Variants in AKAP9 observed in about 807,000 individuals in gnomAD.
AKAP9 encodes A-kinase anchoring protein 9.
A neutral mutation model predicts 488.5 loss-of-function variants in AKAP9; 311 were observed. The observed-to-expected ratio is 0.64, with a 90% CI of 0.58 to 0.70. The LOEUF (loss-of-function observed/expected upper bound fraction) is 0.70. Ranked by LOEUF, AKAP9 falls within the 30% of genes least tolerant of loss-of-function variation. The pLI, the probability that AKAP9 is intolerant of heterozygous loss-of-function variation, is 0.00. For synonymous variants in AKAP9, 1,462 were observed against 1,483.5 expected (o/e 0.99, Z 0.33); for missense variants, 4,215 against 4,374.5 (o/e 0.96, Z 1.03).
chr7:92,016,116 T>C lies in AKAP9; in HGVS notation c.3613-13T>C. On this transcript the variant is annotated splice_polypyrimidine_tract_variant and intron_variant, in intron 10 of 49. Transcript: ENST00000356239. ...TTTAAATTCCTTAAAATACACAATT[T>C]TGTTGTTAACAGACTTTATGCAGTG... The C allele has an allele frequency of 6.3e-7, 1 of 1,592,740 alleles. No homozygotes were observed. Among genetic ancestry groups the C allele is most frequent in the South Asian group, 1.1e-5 (1 of 90,228 alleles).
intron 1 of AKAP9, among the ~76,000 whole-genome samples, chr7:91,960,896 A>G (rs1334672541): frequency 1.3e-5 from 2 of 152,218 alleles, no homozygotes; most frequent in Non-Finnish European, 2.9e-5. Context: ...AATCAGGACA[A>G]GGGAGGTTCC....
intron 1 of AKAP9, among the ~76,000 whole-genome samples, chr7:91,951,526 T>C (rs1792249802): frequency 1.3e-5 from 2 of 152,172 alleles, no homozygotes; most frequent in African/African-American, 4.8e-5. Context: ...GGTTTTGCCA[T>C]GTTGCCCAGG....
chr7:92,070,538 G>A (rs1431212878), intron 27 of AKAP9, among the ~76,000 whole-genome samples: 5 of 151,926 alleles, frequency 3.3e-5, no homozygotes, highest in African/African-American at 7.3e-5. Flanking sequence ...GAGTTCAAGC[G>A]ATTCTTCTGC....
At chr7:91,949,662 A>G (rs1013315265) in intron 1 of AKAP9, among the ~76,000 whole-genome samples, 2 of 152,198 alleles carry the variant, frequency 1.3e-5, no homozygotes, top group Non-Finnish European at 2.9e-5. Context: ...GTGCCCTTCT[A>G]GGTACATTGC....
At chr7:92,103,109 G>A (rs1418955482) in intron 46 of AKAP9, among the ~76,000 whole-genome samples, 1 of 152,082 alleles carries the variant, frequency 6.6e-6, no homozygotes, top group Non-Finnish European at 1.5e-5. Context: ...AAACAATCTG[G>A]GCCAGGCGTG....
rs1584335016 is a variant in AKAP9, at chr7:92,052,934, A to G, written c.5577A>G (p.Glu1859=). Reference sequence around the variant, plus strand: ...AAGCAGCAGTTGAAAAACTCCTAGAAGCCATAAGTGAAACTAGCAGTCAGG... The same window carrying G: ...AAGCAGCAGTTGAAAAACTCCTAGAGGCCATAAGTGAAACTAGCAGTCAGG... ...RLQAAVEKLL[E]AISETSSQLE... Residue 1859 remains glutamate, a synonymous_variant, in exon 22 of 50, where the codon GAA becomes GAG. Transcript: ENST00000356239. 1 of 1,613,710 alleles carries G rather than the reference A, an allele frequency of 6.2e-7. No individual in the cohort carries two copies. Among genetic ancestry groups the G allele is most frequent in the Non-Finnish European group, 8.5e-7 (1 of 1,179,728 alleles).
intron 46 of AKAP9, 120 bp downstream of exon 46, chr7:92,102,946 C>A: frequency 2.2e-6 from 2 of 911,272 alleles, no homozygotes; most frequent in South Asian, 1.5e-5. Flanking sequence ...GAGGTATGTG[C>A]CATCACTGAA....
In AKAP9 at chr7:92,096,690, A is replaced by C. The variant is rs1362552663; in HGVS notation, c.9731A>C (p.Asp3244Ala). The C allele has an allele frequency of 6.2e-7, 1 of 1,614,028 alleles. No individual in the cohort carries two copies. Among genetic ancestry groups the C allele is most frequent in the South Asian group, 1.1e-5 (1 of 91,010 alleles). ...TTAAATTTGATTTTCTCGTACCAGGATCTGAAGTTTTCACTTGAGAGTCAG... is the reference window on the plus strand; with the variant it reads ...TTAAATTTGATTTTCTCGTACCAGGCTCTGAAGTTTTCACTTGAGAGTCAG... ...SEERDKEELE[D>A]LKFSLESQKQ... is the part of the protein sequence containing the mutation. Residue 3244 changes from aspartate (D) to alanine (A), a missense_variant and splice_region_variant, in exon 41 of 50, where the codon GAT (aspartate) becomes GCT (alanine). Physicochemically the swap from Asp to Ala is moderately radical, Grantham distance 126. This residue lies in a region of AKAP9 where 1,476 missense variants were observed against 1,477.4 expected (regional missense o/e 1.00). Coordinates refer to ENST00000356239, the MANE Select transcript of AKAP9 (RefSeq NM_005751.5).
intron 19 of AKAP9, 80 bp downstream of exon 19, chr7:92,042,266 A>G (rs918619946): frequency 1.3e-6 from 2 of 1,582,316 alleles, no homozygotes; most frequent in Non-Finnish European, 1.7e-6. Flanking sequence ...TTGGTATGAG[A>G]TGTATTCTTT....
At chr7:91,982,246 G>A (rs953002584) in intron 3 of AKAP9, among the ~76,000 whole-genome samples, 1 of 151,942 alleles carries the variant, frequency 6.6e-6, no homozygotes, top group Non-Finnish European at 1.5e-5. Context: ...CAATGTGCAG[G>A]TTTGTTACAT....
intron 1 of AKAP9, among the ~76,000 whole-genome samples, chr7:91,953,722 A>G (rs964321835): frequency 6.6e-6 from 1 of 152,154 alleles, no homozygotes; most frequent in Non-Finnish European, 1.5e-5. Flanking sequence ...TATGACATTT[A>G]AAATGGTGTG....
rs1799088120 is a variant in AKAP9, at chr7:92,000,985, T to A, written c.1068T>A (p.Asp356Glu). 6.5e-7 allele frequency: 1 copy of A among 1,540,756 alleles called. No homozygotes were observed. The highest frequency in any genetic ancestry group is 1.4e-5 in the African/African-American group (1 of 72,058). ...LELKDKLTTA[D>E]KLLGELQEQI... ...TAAAGGATAAATTAACAACTGCTGA[T>A]AAATTACTAGGAGAATTACAAGAAC... The change falls in exon 8 of 50, where the codon GAT becomes GAA. Residue 356 changes from aspartate (D) to glutamate (E), a missense_variant. Physicochemically the swap from Asp to Glu is conservative, Grantham distance 45. Around this residue, in one of 5 missense-constraint regions of AKAP9, gnomAD observed 2,361 missense variants for 2,430.0 expected, o/e 0.97. Coordinates refer to ENST00000356239, the MANE Select transcript of AKAP9 (RefSeq NM_005751.5).
chr7:92,069,316 T>C (rs1811296464), intron 26 of AKAP9, among the ~76,000 whole-genome samples: 1 of 152,234 alleles, frequency 6.6e-6, no homozygotes, highest in Non-Finnish European at 1.5e-5. Flanking sequence ...TTCAGCCTTA[T>C]GAAAAATCCA....
At chr7:91,955,433 C>T (rs991672635) in intron 1 of AKAP9, among the ~76,000 whole-genome samples, 1 of 152,100 alleles carries the variant, frequency 6.6e-6, no homozygotes, top group South Asian at 2.1e-4. Flanking sequence ...ACTTGAGGTA[C>T]CTATAGTTCT....
In AKAP9 at chr7:92,031,596, G is replaced by A; in HGVS notation, c.4330G>A (p.Val1444Ile). 2 of 1,604,156 alleles carry A rather than the reference G, an allele frequency of 1.2e-6. No individual in the cohort carries two copies. Among genetic ancestry groups the A allele is most frequent in the South Asian group, 1.1e-5 (1 of 90,840 alleles). The change falls in exon 16 of 50, where the codon GTA (valine) becomes ATA (isoleucine). Residue 1444 changes from valine (V) to isoleucine (I), a missense_variant. Physicochemically the swap from Val to Ile is conservative, Grantham distance 29 (BLOSUM62 3). Around this residue, in one of 5 missense-constraint regions of AKAP9, gnomAD observed 2,361 missense variants for 2,430.0 expected, o/e 0.97. Transcript: ENST00000356239. ...KQYQEQLEEE[V>I]AKVIVSMSIA... ...ATACCAAGAACAATTAGAAGAAGAA[G>A]TAGCTAAGGTAGGCTTATAGCTTAT...
chr7:92,013,315 C>G (rs1801042823), intron 9 of AKAP9, among the ~76,000 whole-genome samples: 1 of 151,912 alleles, frequency 6.6e-6, no homozygotes, highest in African/African-American at 2.4e-5. Context: ...AAGGCAGGCT[C>G]TGGAGTCTTT....
chr7:91,997,863 A>T (rs1184188773), intron 7 of AKAP9, among the ~76,000 whole-genome samples: 1 of 152,082 alleles, frequency 6.6e-6, no homozygotes, highest in African/African-American at 2.4e-5. Flanking sequence ...ATTTTTTTAA[A>T]TTTTTATTCT....
chr7:92,068,355 G>C (rs927317605), intron 26 of AKAP9, among the ~76,000 whole-genome samples: 10 of 115,876 alleles, frequency 8.6e-5, no homozygotes, highest in African/African-American at 3.1e-4. Flanking sequence ...GACAGAGCAA[G>C]ACTCCGTCTC....
Position 92,097,343 on chromosome 7 carries a change from C to T in AKAP9, c.10384C>T (p.Gln3462Ter). The part of the protein sequence containing the change: ...EKRESRRILY[Q>*]NLNEPTTWSL... ...ACGAGAAAGTAGAAGAATTCTGTAT[C>T]AGAACCTTAATGAGGTAAACTGACA... The change falls in exon 41 of 50, where the codon CAG becomes TAG. Residue 3462 changes from glutamine to a stop codon, truncating the protein, a stop_gained. Transcript: ENST00000356239. LOFTEE classifies it high-confidence loss of function. 1 of 1,613,254 alleles carries T rather than the reference C, an allele frequency of 6.2e-7. No homozygotes were observed. The highest frequency in any genetic ancestry group is 8.5e-7 in the Non-Finnish European group (1 of 1,179,712).
Sources: allele counts gnomAD v4.1 joint callset (sites outside exome capture counted in the v4.1 genomes callset), GRCh38; gene constraint gnomAD v4.1.1; regional missense constraint gnomAD v4.1.1; transcripts MANE v1.5; gene names NCBI Gene and HGNC (gene_info 2026-07-23, HGNC 2026-07-21).